Variants in GLB1L3 observed in about 807,000 individuals in gnomAD.
The protein encoded by GLB1L3 is beta-galactosidase-1-like protein 3.
In GLB1L3, 89 loss-of-function variants were observed where a neutral mutation model predicts 89.5. The observed-to-expected ratio is 0.99, with a 90% CI of 0.84 to 1.19. The LOEUF (loss-of-function observed/expected upper bound fraction) is 1.19. GLB1L3 is among the 50% of genes most tolerant of loss of function. The pLI, the probability that GLB1L3 is intolerant of heterozygous loss-of-function variation, is 0.00. For synonymous variants in GLB1L3, 314 were observed against 312.3 expected, an observed-to-expected ratio of 1.01 and a Z score of -0.06; for missense variants, 812 against 813.3, an observed-to-expected ratio of 1.00 and a Z score of 0.02.
At position 134,309,600 on chromosome 11, in the gene GLB1L3, C is replaced by T. The variant is rs542944312; in HGVS notation, c.962-26C>T. 307 of 1,542,226 alleles carry T rather than the reference C, an allele frequency of 2.0e-4. 2 individuals are homozygous for T. The highest frequency in any genetic ancestry group is 1.8e-3 in the South Asian group (144 of 79,902). Reference sequence around the variant, plus strand: ...GTCTCCTCTTAATTTCTAACATTCTCTGTGTTCTCATGTTCCCCTTTGCAG... The same window carrying T: ...GTCTCCTCTTAATTTCTAACATTCTTTGTGTTCTCATGTTCCCCTTTGCAG... On this transcript the variant is annotated intron_variant, in intron 10 of 19. Transcript: ENST00000431683.
intron 10 of GLB1L3, among the ~76,000 whole-genome samples, chr11:134,308,661 C>CCATCAT (rs1565414915): frequency 6.7e-6 from 1 of 148,446 alleles, no homozygotes; most frequent in African/African-American, 2.5e-5. Context: ...ATCATCACCA[C>CCATCAT]CACCACCACC....
chr11:134,285,792 C>A (rs1940949048), intron 6 of GLB1L3, among the ~76,000 whole-genome samples: 1 of 151,954 alleles, frequency 6.6e-6, no homozygotes, highest in Non-Finnish European at 1.5e-5. Context: ...CAAAAAAACA[C>A]CTGGATTTTT....
chr11:134,321,400 T>C (rs951285268), downstream of GLB1L3, among the ~76,000 whole-genome samples: 3 of 151,914 alleles, frequency 2.0e-5, no homozygotes, highest in Non-Finnish European at 4.4e-5. Context: ...AGACAAAAGA[T>C]AGTAGAAGAT....
At chr11:134,299,812 TA>T (rs1941847214) in intron 9 of GLB1L3, among the ~76,000 whole-genome samples, 1 of 152,190 alleles carries the variant, frequency 6.6e-6, no homozygotes, top group Non-Finnish European at 1.5e-5. Context: ...CAGGTGCTCC[TA>T]CCCAGCTCTT....
intron 3 of GLB1L3, among the ~76,000 whole-genome samples, chr11:134,278,484 C>T (rs1379635134): frequency 6.6e-6 from 1 of 152,056 alleles, no homozygotes; most frequent in Non-Finnish European, 1.5e-5. Context: ...TGGAGTTTCG[C>T]CATGTTGCCT....
chr11:134,311,508 C>T (rs1044552204), intron 13 of GLB1L3: 3 of 195,440 alleles, frequency 1.5e-5, no homozygotes, highest in Admixed American at 5.9e-5. Flanking sequence ...AGCTTCTGCC[C>T]GTGCTTCACC....
rs775033477 is a variant in GLB1L3, at chr11:134,307,129, T to G, written c.882T>G (p.Asp294Glu). Residue 294 changes from aspartate to glutamate, a missense_variant, in exon 10 of 20, where the codon GAT becomes GAG. Asp to Glu is a conservative substitution (Grantham distance 45, BLOSUM62 2). Around this residue, in one of 3 missense-constraint regions of GLB1L3, gnomAD observed 618 missense variants for 604.0 expected, o/e 1.02. Transcript: ENST00000431683. ...TTGCTTTGGTTTGTTTTTAGAGAGA[T>G]AAGCCCCTTCTGATTATGGAATACT... ...TFNQLHKVQR[D>E]KPLLIMEYWV... 11 of 1,612,982 alleles carry G rather than the reference T, an allele frequency of 6.8e-6. No homozygotes were observed. Among genetic ancestry groups the G allele is most frequent in the Admixed American group, 1.7e-5 (1 of 59,976 alleles).
At chr11:134,292,048 C>T (rs1373030686) in intron 7 of GLB1L3, 84 bp from the exon 8 acceptor site, 18 of 893,742 alleles carry the variant, frequency 2.0e-5, no homozygotes, top group Non-Finnish European at 3.3e-5. Context: ...GATGCAGAAC[C>T]CATGAATATG....
intron 11 of GLB1L3, chr11:134,310,153 T>C: frequency 2.6e-6 from 1 of 379,110 alleles, no homozygotes; most frequent in South Asian, 3.5e-5. Flanking sequence ...TGGGCCACAC[T>C]GGAAGAAGAA....
At chr11:134,314,069 G>A in intron 17 of GLB1L3, 41 bp downstream of exon 17, 1 of 1,307,764 alleles carries the variant, frequency 7.6e-7, no homozygotes, top group Non-Finnish European at 1.1e-6. Flanking sequence ...TCAGTGATCG[G>A]GGAACTCAGA....
chr11:134,283,098 C>T (rs1167975688), intron 5 of GLB1L3, among the ~76,000 whole-genome samples: 6 of 151,942 alleles, frequency 3.9e-5, no homozygotes, highest in Admixed American at 3.9e-4. Context: ...GTCTTGCTCT[C>T]GTCACCCAGG....
downstream of GLB1L3, among the ~76,000 whole-genome samples, chr11:134,321,356 AAAAAC>A (rs1943165360): frequency 6.6e-6 from 1 of 150,640 alleles, no homozygotes; most frequent in Non-Finnish European, 1.5e-5. Context: ...TAGAGTAAGA[AAAAAC>A]AAACAAACAA....
chr11:134,276,876 C>T (rs1940393520), intron 1 of GLB1L3, 113 bp downstream of exon 1: 8 of 970,318 alleles, frequency 8.2e-6, no homozygotes, highest in African/African-American at 5.1e-5. Flanking sequence ...CGCGCCGCGC[C>T]GGGCCGCGCC....
chr11:134,318,797 A>C (rs1356282146), intron 19 of GLB1L3, 50 bp downstream of exon 19: 1 of 1,543,024 alleles, frequency 6.5e-7, no homozygotes, highest in African/African-American at 1.4e-5. Context: ...TTCAGATCAA[A>C]ATGTGAGTTG....
downstream of GLB1L3, chr11:134,319,691 C>CCT (rs34982949): frequency 0.14 from 19,683 of 143,098 alleles, 1,499 homozygotes; most frequent in African/African-American, 0.2. Flanking sequence ...CGGTCTCCCT[C>CCT]CTCTCTCTCT....
downstream of GLB1L3, among the ~76,000 whole-genome samples, chr11:134,322,261 T>C (rs1022775983): frequency 4.6e-5 from 7 of 152,204 alleles, no homozygotes; most frequent in African/African-American, 1.4e-4. Flanking sequence ...GAGAAAGATA[T>C]ACTAATTTTG....
chr11:134,324,153 G>A (rs1317032735), downstream of GLB1L3, among the ~76,000 whole-genome samples: 1 of 152,182 alleles, frequency 6.6e-6, no homozygotes. Context: ...AAGAATAAAG[G>A]AGAAGAATTG....
intron 14 of GLB1L3, 145 bp from the exon 15 acceptor site, chr11:134,312,671 G>T: frequency 1.0e-6 from 1 of 957,170 alleles, no homozygotes; most frequent in South Asian, 1.6e-5. Context: ...AGAGTCTCTT[G>T]GGGCCTCCAG....
At chr11:134,306,549 C>T (rs765232245) in intron 9 of GLB1L3, among the ~76,000 whole-genome samples, 1 of 152,154 alleles carries the variant, frequency 6.6e-6, no homozygotes, top group South Asian at 2.1e-4. Flanking sequence ...CAGCAGCATG[C>T]CAGAGGACTC....
Sources: allele counts gnomAD v4.1 joint callset (sites outside exome capture counted in the v4.1 genomes callset), GRCh38; gene constraint gnomAD v4.1.1; regional missense constraint gnomAD v4.1.1; transcripts MANE v1.5; gene names NCBI Gene and HGNC (gene_info 2026-07-23, HGNC 2026-07-21).